The following TENM3 variants were observed in gnomAD, a reference collection of about 807,000 sequenced individuals.
TENM3 encodes the protein teneurin-3.
TENM3 carries 63 observed loss-of-function variants against 255.1 expected under a neutral mutation model. That is an observed-to-expected ratio of 0.25 (90% CI 0.20 to 0.30). The LOEUF is 0.30. Ranked by LOEUF, TENM3 falls within the 10% of genes least tolerant of loss-of-function variation. The pLI is 1.00. For missense variants in TENM3, 2,929 were observed against 3,461.1 expected, an observed-to-expected ratio of 0.85 and a Z score of 3.86; for synonymous variants, 1,306 against 1,322.3, an observed-to-expected ratio of 0.99 and a Z score of 0.27.
chr4:182,182,808 A>T (rs1226938864), intron 1 of TENM3, among the ~76,000 whole-genome samples: 1 of 152,226 alleles, frequency 6.6e-6, no homozygotes, highest in Non-Finnish European at 1.5e-5. Flanking sequence ...AGTACCTACA[A>T]GGCACATTGT....
chr4:182,263,399 A>AG (rs973657020), intron 1 of TENM3, among the ~76,000 whole-genome samples: 1 of 151,890 alleles, frequency 6.6e-6, no homozygotes, highest in Admixed American at 6.5e-5. Flanking sequence ...CCAACTTAGG[A>AG]GGGTTAGAGG....
the TENM3 span, among the ~76,000 whole-genome samples, chr4:181,564,044 T>C: frequency 4.1e-5 from 6 of 145,466 alleles, no homozygotes; most frequent in South Asian, 2.2e-4. Context: ...TTTTTTCTTT[T>C]TTTTTTTTTT....
At chr4:181,454,035 G>T in the TENM3 span, among the ~76,000 whole-genome samples, 42 of 152,270 alleles carry the variant, frequency 2.8e-4, 2 homozygotes, top group South Asian at 8.1e-3. Context: ...TGATTGTAAA[G>T]ATTAATGGAA....
chr4:182,286,429 G>A (rs1438313477), intron 1 of TENM3, among the ~76,000 whole-genome samples: 1 of 152,196 alleles, frequency 6.6e-6, no homozygotes, highest in Non-Finnish European at 1.5e-5. Context: ...CTCTATCAGA[G>A]CATACCCCTT....
chr4:182,764,555 G>A (rs1346165533), intron 22 of TENM3, among the ~76,000 whole-genome samples: 1 of 152,208 alleles, frequency 6.6e-6, no homozygotes, highest in African/African-American at 2.4e-5. Flanking sequence ...GATCAGTGTT[G>A]CAAGTTGTGA....
chr4:182,603,765 T>TTATATATATA (rs760690038), intron 4 of TENM3, among the ~76,000 whole-genome samples: 1 of 95,502 alleles, frequency 1.0e-5, no homozygotes, highest in African/African-American at 2.9e-5. Context: ...TGGCAATTAT[T>TTATATATATA]TATATATATA....
chr4:181,464,628 TAGAAGCATATTTTTTTTTCAATTTTAAA>T, the TENM3 span, among the ~76,000 whole-genome samples: 1 of 152,054 alleles, frequency 6.6e-6, no homozygotes, highest in South Asian at 2.1e-4. Context: ...ATTATTTTCT[TAGAAGCATATTTTTTTTTCAATTTTAAA>T]AATAGTCCAA....
intron 3 of TENM3, among the ~76,000 whole-genome samples, chr4:182,482,483 A>G (rs1275052406): frequency 5.9e-5 from 9 of 152,204 alleles, no homozygotes; most frequent in Non-Finnish European, 1.3e-4. Flanking sequence ...GTAATCCTGC[A>G]ACTATTATTG....
rs1763251066 is a variant in TENM3 at position 182,324,235 on chromosome 4, A to G, written c.215A>G (p.Asp72Gly). 6.2e-7 allele frequency: 1 copy of G among 1,613,526 alleles called. No individual in the cohort carries two copies. The highest frequency in any genetic ancestry group is 8.5e-7 in the Non-Finnish European group (1 of 1,179,408). Residue 72 changes from aspartate to glycine, a missense_variant, in exon 2 of 28, where the codon GAC becomes GGC. Asp to Gly is a moderately conservative substitution (Grantham distance 94). Around this residue, in one of 6 missense-constraint regions of TENM3, gnomAD observed 283 missense variants for 256.9 expected, o/e 1.10. Transcript: ENST00000511685. The part of the protein sequence containing the change: ...RVKDLVHREA[D>G]EFTRQGQNFT... ...AAGGATTTGGTTCACAGAGAAGCAGACGAGTTCACTAGACAAGGTGGGTAA... is the reference window on the plus strand; with the variant it reads ...AAGGATTTGGTTCACAGAGAAGCAGGCGAGTTCACTAGACAAGGTGGGTAA...
At chr4:182,672,177 C>A (rs1755275291) in intron 6 of TENM3, among the ~76,000 whole-genome samples, 1 of 152,052 alleles carries the variant, frequency 6.6e-6, no homozygotes, top group South Asian at 2.1e-4. Flanking sequence ...GAACATCGTA[C>A]CAAAAAGAGG....
chr4:182,441,953 G>A (rs1184073559), intron 3 of TENM3, among the ~76,000 whole-genome samples: 3 of 152,220 alleles, frequency 2.0e-5, no homozygotes, highest in Non-Finnish European at 2.9e-5. Context: ...AGTAGACAGG[G>A]AGCAGAATAT....
chr4:182,041,052 T>C, the TENM3 span, among the ~76,000 whole-genome samples: 1 of 152,154 alleles, frequency 6.6e-6, no homozygotes, highest in South Asian at 2.1e-4. Flanking sequence ...TTCTTCAATA[T>C]TACCAGAAGC....
chr4:182,402,488 C>T lies in TENM3; in HGVS notation c.511+55559C>T, dbSNP rs527298375. On this transcript the variant is annotated intron_variant, in intron 3 of 27. Coordinates refer to ENST00000511685, the MANE Select transcript of TENM3 (RefSeq NM_001080477.4). The stretch of plus-strand genomic sequence containing the variant: ...TACAGTAGTCAGTTTTCTGGGCCAA[C>T]GTAGACGTAGCCAGCCATAAAAATA... Among the ~76,000 whole-genome samples, 6 of 152,214 alleles carry T rather than the reference C, an allele frequency of 3.9e-5. No individual in the cohort carries two copies. In the South Asian group the frequency reaches 1.0e-3, roughly 26 times the overall value.
intron 7 of TENM3, among the ~76,000 whole-genome samples, chr4:182,674,723 G>T (rs550802507): frequency 6.6e-6 from 1 of 151,936 alleles, no homozygotes; most frequent in East Asian, 1.9e-4. Flanking sequence ...CTACAGATGC[G>T]TGTCACCGCC....
chr4:182,637,234 T>C (rs1751921174), intron 5 of TENM3, among the ~76,000 whole-genome samples: 1 of 152,188 alleles, frequency 6.6e-6, no homozygotes, highest in African/African-American at 2.4e-5. Context: ...AATATACAAA[T>C]AAAGATACAA....
chr4:181,912,373 T>C, the TENM3 span, among the ~76,000 whole-genome samples: 3 of 152,202 alleles, frequency 2.0e-5, no homozygotes, highest in Admixed American at 2.0e-4. Flanking sequence ...TGAAATGGTA[T>C]GTGATACATG....
the TENM3 span, among the ~76,000 whole-genome samples, chr4:181,768,217 G>T: frequency 6.6e-6 from 1 of 152,272 alleles, no homozygotes; most frequent in East Asian, 1.9e-4. Context: ...TGCCCCAGGG[G>T]ATATTCCCAA....
chr4:181,525,478 T>C, the TENM3 span, among the ~76,000 whole-genome samples: 1 of 151,674 alleles, frequency 6.6e-6, no homozygotes, highest in Admixed American at 6.6e-5. Flanking sequence ...CCCCTGACTT[T>C]TGAAGGGGCT....
chr4:182,704,822 C>CT (rs201275276), intron 12 of TENM3, among the ~76,000 whole-genome samples: 1,903 of 124,116 alleles, frequency 0.015, 23 homozygotes, highest in Middle Eastern at 0.1. Flanking sequence ...TACACACAAA[C>CT]TTTTTTTTTT....
Sources: allele counts gnomAD v4.1 joint callset (sites outside exome capture counted in the v4.1 genomes callset), GRCh38; gene constraint gnomAD v4.1.1; regional missense constraint gnomAD v4.1.1; transcripts MANE v1.5; gene names NCBI Gene and HGNC (gene_info 2026-07-23, HGNC 2026-07-21).